Variants in PLB1 observed in about 807,000 individuals in gnomAD.
PLB1 encodes phospholipase B1, membrane-associated.
PLB1 carries 242 observed loss-of-function variants against 227.4 expected under a neutral mutation model. That is an observed-to-expected ratio of 1.06 (90% CI 0.96 to 1.18). The LOEUF is 1.18. Ranked by LOEUF, PLB1 falls within the 50% of genes most tolerant of loss-of-function variation. The pLI is 0.00. For missense variants in PLB1, 1,858 were observed against 1,816.3 expected (o/e 1.02, Z -0.42); for synonymous variants, 757 against 682.2 (o/e 1.11, Z -1.71).
At chr2:28,538,232 C>T (rs1016600629) in intron 9 of PLB1, 87 bp from the exon 10 acceptor site, 12 of 1,536,532 alleles carry the variant, frequency 7.8e-6, no homozygotes, top group Non-Finnish European at 1.1e-5. Context: ...TCTTGCCTGG[C>T]AGGGATGGGC....
intron 26 of PLB1, among the ~76,000 whole-genome samples, chr2:28,586,467 G>T (rs2148277414): frequency 6.6e-6 from 1 of 152,262 alleles, no homozygotes; most frequent in Non-Finnish European, 1.5e-5. Context: ...TTTCTCCCCA[G>T]CAAAAAGTTT....
intron 54 of PLB1, among the ~76,000 whole-genome samples, chr2:28,631,370 G>A (rs1236535286): frequency 6.6e-6 from 1 of 151,884 alleles, no homozygotes; most frequent in Non-Finnish European, 1.5e-5. Flanking sequence ...CTCCTCTAAG[G>A]AGCTTCCCCT....
chr2:28,555,615 T>C (rs1674953045), intron 17 of PLB1, among the ~76,000 whole-genome samples: 1 of 152,220 alleles, frequency 6.6e-6, no homozygotes, highest in South Asian at 2.1e-4. Flanking sequence ...AATAATCTGA[T>C]ATATGTCTTA....
chr2:28,604,679 T>A lies in PLB1; in HGVS notation c.2881T>A (p.Ser961Thr). The A allele has an allele frequency of 6.2e-7, 1 of 1,613,850 alleles. No individual in the cohort carries two copies. Among genetic ancestry groups the A allele is most frequent in the Non-Finnish European group, 8.5e-7 (1 of 1,179,918 alleles). Residue 961 changes from serine (S) to threonine (T), a missense_variant, in exon 41 of 58, where the codon TCA becomes ACA. Physicochemically the swap from Ser to Thr is moderately conservative, Grantham distance 58 (BLOSUM62 1). Transcript: ENST00000327757. ...YRSSMRELVG[S>T]GRYDTQEDFS... ...GAGCAGCATGCGCGAGCTGGTGGGG[T>A]CAGGCCGCTATGACACGCAGGAGGA...
chr2:28,598,991 A>G (rs1683435550), intron 35 of PLB1, among the ~76,000 whole-genome samples: 1 of 152,220 alleles, frequency 6.6e-6, no homozygotes, highest in Admixed American at 6.5e-5. Context: ...CCTTGCCTTC[A>G]TGTGCAGCAT....
At chr2:28,519,808 T>G in intron 4 of PLB1, 45 bp downstream of exon 4, 2 of 1,511,972 alleles carry the variant, frequency 1.3e-6, no homozygotes, top group Non-Finnish European at 9.2e-7. Flanking sequence ...AGTTTGGTAC[T>G]GATGATCCTC....
chr2:28,564,735 T>G (rs1281433587), intron 18 of PLB1, among the ~76,000 whole-genome samples: 12 of 152,156 alleles, frequency 7.9e-5, no homozygotes, highest in Non-Finnish European at 5.9e-5. Context: ...GAGGCCAGTC[T>G]CAGCATGCCC....
At chr2:28,612,584 C>A (rs1484281769) in intron 43 of PLB1, among the ~76,000 whole-genome samples, 2 of 151,194 alleles carry the variant, frequency 1.3e-5, no homozygotes, top group Non-Finnish European at 1.5e-5. Context: ...GAGACGAGAT[C>A]ACTTTTCCAA....
At chr2:28,629,228 T>G (rs1414596258) in intron 53 of PLB1, 43 bp downstream of exon 53, 4 of 1,579,854 alleles carry the variant, frequency 2.5e-6, no homozygotes, top group Non-Finnish European at 3.5e-6. Flanking sequence ...GCACCTGGGG[T>G]GAGGAGGGCT....
At chr2:28,598,092 A>T (rs1365718398) in intron 34 of PLB1, 44 bp downstream of exon 34, 5 of 1,551,538 alleles carry the variant, frequency 3.2e-6, no homozygotes, top group Non-Finnish European at 8.8e-7. Context: ...TGTTCCACCC[A>T]TCTGGCCCCT....
chr2:28,515,609 A>G (rs1668754057), intron 1 of PLB1, among the ~76,000 whole-genome samples: 2 of 152,200 alleles, frequency 1.3e-5, no homozygotes, highest in Admixed American at 6.5e-5. Flanking sequence ...GTTGTTCTTC[A>G]TGAAACTCTA....
chr2:28,620,148 G>C, intron 46 of PLB1, 117 bp from the exon 47 acceptor site: 1 of 611,750 alleles, frequency 1.6e-6, no homozygotes, highest in Non-Finnish European at 2.8e-6. Flanking sequence ...AGAAAAGCCG[G>C]TACTATTTTT....
At chr2:28,556,341 C>G (rs779751402) in intron 17 of PLB1, among the ~76,000 whole-genome samples, 2 of 152,084 alleles carry the variant, frequency 1.3e-5, no homozygotes, top group Non-Finnish European at 2.9e-5. Flanking sequence ...CTTCAGAGCT[C>G]GTGAGTGATG....
intron 53 of PLB1, 39 bp downstream of exon 53, chr2:28,629,224 G>T: frequency 6.3e-7 from 1 of 1,586,292 alleles, no homozygotes; most frequent in Non-Finnish European, 8.6e-7. Context: ...AAGGGCACCT[G>T]GGGTGAGGAG....
chr2:28,582,950 G>C (rs1680297351), intron 25 of PLB1, among the ~76,000 whole-genome samples: 1 of 152,118 alleles, frequency 6.6e-6, no homozygotes. Flanking sequence ...TCCATGTAAA[G>C]CATTCACAGA....
chr2:28,627,241 A>G (rs897780458), intron 51 of PLB1, among the ~76,000 whole-genome samples: 2 of 152,108 alleles, frequency 1.3e-5, no homozygotes, highest in Non-Finnish European at 2.9e-5. Context: ...TGGTTTTCCA[A>G]ACCTCTTCCC....
intron 14 of PLB1, among the ~76,000 whole-genome samples, chr2:28,548,002 C>T (rs1432433578): frequency 2.6e-5 from 4 of 152,028 alleles, no homozygotes; most frequent in African/African-American, 9.7e-5. Flanking sequence ...TGATGGCCTT[C>T]GTGGTTGTCA....
intron 1 of PLB1, among the ~76,000 whole-genome samples, chr2:28,511,788 C>CTTTTTTTTTTTTTTTTTTTTTTTTTTTTT (rs59137589): frequency 7.5e-6 from 1 of 132,672 alleles, no homozygotes; most frequent in African/African-American, 2.8e-5. Context: ...GCCATTTTAT[C>CTTTTTTTTTTTTTTTTTTTTTTTTTTTTT]TTTTTTTTTT....
Position 28,620,510 on chromosome 2 carries a change from GA to G in PLB1, c.3384-88del, listed in dbSNP as rs1308213387. 7 of 1,501,814 alleles carry G rather than the reference GA, an allele frequency of 4.7e-6. 1 individual carries two copies. In the Admixed American group the frequency reaches 1.2e-4, roughly 26 times the overall value. 93.0% of individuals were successfully genotyped at this position (1,501,814 alleles called of 1,614,324 possible). ...ATGGGAGAGACGCCCCAGGGGCCCAGAACCCGGTTCCGGTTCTGGCTTGTGC... is the reference window on the plus strand; with the variant it reads ...ATGGGAGAGACGCCCCAGGGGCCCAGACCCGGTTCCGGTTCTGGCTTGTGC... On this transcript the variant is annotated intron_variant, in intron 47 of 57. Coordinates refer to ENST00000327757, the MANE Select transcript of PLB1 (RefSeq NM_153021.5).
Sources: allele counts gnomAD v4.1 joint callset (sites outside exome capture counted in the v4.1 genomes callset), GRCh38; gene constraint gnomAD v4.1.1; transcripts MANE v1.5; gene names NCBI Gene and HGNC (gene_info 2026-07-23, HGNC 2026-07-21).